ZNF804A: variants seen among roughly 807,000 people sequenced by gnomAD.
The protein encoded by ZNF804A is zinc finger protein 804A.
ZNF804A carries 2 observed loss-of-function variants against 16.5 expected under a neutral mutation model. The ratio of observed to expected loss-of-function variants is 0.12; its 90% CI spans 0.05 to 0.38. ZNF804A has a LOEUF of 0.38. Ranked by LOEUF, ZNF804A falls within the 10% of genes least tolerant of loss-of-function variation. The probability of loss-of-function intolerance (pLI) is 0.99; values close to 1 mark genes in which losing one functional copy is unlikely to be tolerated. For missense variants in ZNF804A, 1,473 were observed against 1,390.7 expected, an observed-to-expected ratio of 1.06 and a Z score of -0.94; for synonymous variants, 534 against 489.6, an observed-to-expected ratio of 1.09 and a Z score of -1.20.
intron 2 of ZNF804A, among the ~76,000 whole-genome samples, chr2:184,897,542 A>G (rs1451114262): frequency 6.6e-6 from 1 of 152,026 alleles, no homozygotes; most frequent in Non-Finnish European, 1.5e-5. Flanking sequence ...CTTAATAAGT[A>G]AAGTATTATG....
At chr2:184,927,435 A>G (rs570919677) in intron 2 of ZNF804A, among the ~76,000 whole-genome samples, 2 of 152,288 alleles carry the variant, frequency 1.3e-5, no homozygotes, top group East Asian at 1.9e-4. Context: ...CTGGGATTGC[A>G]CTGGGTCAGA....
chr2:184,837,551 G>A (rs980312478), intron 1 of ZNF804A, among the ~76,000 whole-genome samples: 1 of 151,836 alleles, frequency 6.6e-6, no homozygotes, highest in Non-Finnish European at 1.5e-5. Flanking sequence ...AGAGTAAGAG[G>A]CATAATTGCA....
At chr2:184,793,804 G>A (rs1174682406) in intron 1 of ZNF804A, among the ~76,000 whole-genome samples, 56 of 152,066 alleles carry the variant, frequency 3.7e-4, no homozygotes, top group Non-Finnish European at 7.4e-5. Context: ...TCCCACTTAT[G>A]AGTGAGAACA....
At chr2:184,639,910 G>A (rs1013958755) in intron 1 of ZNF804A, among the ~76,000 whole-genome samples, 4 of 152,250 alleles carry the variant, frequency 2.6e-5, no homozygotes, top group Admixed American at 2.6e-4. Flanking sequence ...ACTGAGGCAG[G>A]AGAATGGTGT....
chr2:184,911,261 T>G (rs1340755493), intron 2 of ZNF804A, among the ~76,000 whole-genome samples: 1 of 151,874 alleles, frequency 6.6e-6, no homozygotes, highest in Non-Finnish European at 1.5e-5. Context: ...GTCAACTTTG[T>G]CAAAGGTCAG....
At chr2:184,819,851 T>A (rs1473198981) in intron 1 of ZNF804A, among the ~76,000 whole-genome samples, 2 of 151,912 alleles carry the variant, frequency 1.3e-5, no homozygotes, top group Non-Finnish European at 2.9e-5. Flanking sequence ...ACATATACCC[T>A]CCCAAGAATG....
chr2:184,776,807 T>C (rs1285111760), intron 1 of ZNF804A, among the ~76,000 whole-genome samples: 1 of 151,612 alleles, frequency 6.6e-6, no homozygotes, highest in Admixed American at 6.6e-5. Flanking sequence ...TGCTTAGCCT[T>C]ATAAACCCTC....
chr2:184,743,030 A>AT (rs1693732752), intron 1 of ZNF804A, among the ~76,000 whole-genome samples: 1 of 151,828 alleles, frequency 6.6e-6, no homozygotes, highest in Admixed American at 6.6e-5. Flanking sequence ...TCTGGTATAT[A>AT]TATCTTTGCC....
rs1158036971 is a variant in ZNF804A at position 184,881,231 on chromosome 2, AGG to A, written c.255+14722_255+14723del. Among the ~76,000 whole-genome samples, 3 of 152,076 alleles carry A rather than the reference AGG, an allele frequency of 2.0e-5. No homozygotes were observed. In the East Asian group the frequency reaches 5.8e-4, roughly 29 times the overall value. On this transcript the variant is annotated intron_variant, in intron 2 of 3. Transcript: ENST00000302277. The stretch of plus-strand genomic sequence containing the variant: ...GACAAAAATAAAGAGAAAAGAATAA[AGG>A]GGAATGAATGACACTTCTGAGAAAT...
chr2:184,609,194 G>A (rs1691198371), intron 1 of ZNF804A, among the ~76,000 whole-genome samples: 1 of 152,172 alleles, frequency 6.6e-6, no homozygotes, highest in Non-Finnish European at 1.5e-5. Context: ...TACAGGGTAG[G>A]ATAAAATTGG....
Position 184,774,695 on chromosome 2 carries a change from A to T in ZNF804A, c.112-91674A>T, listed in dbSNP as rs201407292. On this transcript the variant is annotated intron_variant, in intron 1 of 3. Transcript: ENST00000302277. ...AATTAGTTCTATTTTTAATCATTTT[A>T]TCAAAAATATTTGCTCTGTGAAAGA... 7.2e-5 allele frequency among the ~76,000 whole-genome samples: 11 copies of T among 151,894 alleles called. No individual in the cohort carries two copies. In the East Asian group the frequency reaches 2.1e-3, roughly 30 times the overall value.
intron 1 of ZNF804A, among the ~76,000 whole-genome samples, chr2:184,637,509 G>A (rs761011984): frequency 6.6e-6 from 1 of 152,070 alleles, no homozygotes; most frequent in Non-Finnish European, 1.5e-5. Context: ...AATATAAAAA[G>A]TATAACATTT....
intron 1 of ZNF804A, among the ~76,000 whole-genome samples, chr2:184,629,955 A>T (rs531096889): frequency 1.3e-5 from 2 of 152,276 alleles, no homozygotes; most frequent in Admixed American, 1.3e-4. Flanking sequence ...ACCATACACT[A>T]TACATTTCCT....
At chr2:184,813,946 G>A (rs1694936671) in intron 1 of ZNF804A, among the ~76,000 whole-genome samples, 1 of 141,558 alleles carries the variant, frequency 7.1e-6, no homozygotes, top group Admixed American at 7.2e-5. Flanking sequence ...ACCACTGTGT[G>A]CTTGAAACAC....
chr2:184,745,441 T>A (rs1693774286), intron 1 of ZNF804A, among the ~76,000 whole-genome samples: 1 of 151,730 alleles, frequency 6.6e-6, no homozygotes, highest in Non-Finnish European at 1.5e-5. Context: ...GAAACAACTA[T>A]CTACTTATGT....
At chr2:184,775,839 G>A (rs1694277397) in intron 1 of ZNF804A, among the ~76,000 whole-genome samples, 1 of 151,588 alleles carries the variant, frequency 6.6e-6, no homozygotes, top group Non-Finnish European at 1.5e-5. Context: ...AGCACTAGAT[G>A]TTTGGATATG....
chr2:184,695,525 G>A (rs1422811732), intron 1 of ZNF804A, among the ~76,000 whole-genome samples: 5 of 149,148 alleles, frequency 3.4e-5, no homozygotes, highest in South Asian at 2.1e-4. Flanking sequence ...TAAGAGACAG[G>A]GTCTCACTCT....
intron 1 of ZNF804A, among the ~76,000 whole-genome samples, chr2:184,774,981 G>A (rs545449723): frequency 1.1e-4 from 17 of 151,222 alleles, no homozygotes; most frequent in East Asian, 7.8e-4. Flanking sequence ...TGAAATTTTC[G>A]AAAAGCAACA....
chr2:184,929,943 A>G (rs1000848346), intron 2 of ZNF804A, among the ~76,000 whole-genome samples: 7 of 152,198 alleles, frequency 4.6e-5, no homozygotes, highest in African/African-American at 7.2e-5. Context: ...CACTGTAAGA[A>G]TAATCCAACC....
Sources: allele counts gnomAD v4.1 joint callset (sites outside exome capture counted in the v4.1 genomes callset), GRCh38; gene constraint gnomAD v4.1.1; transcripts MANE v1.5; gene names NCBI Gene and HGNC (gene_info 2026-07-23, HGNC 2026-07-21).